COLEC10: variants seen among roughly 807,000 people sequenced by gnomAD.
COLEC10 encodes collectin-10.
COLEC10 carries 22 observed loss-of-function variants against 28.4 expected under a neutral mutation model. The observed-to-expected ratio is 0.78, with a 90% CI of 0.55 to 1.11. The LOEUF is 1.11. Among genes scored for constraint, COLEC10 ranks in the 50% least tolerant of loss-of-function variants. The probability of loss-of-function intolerance (pLI) is 0.00; values close to 1 mark genes in which losing one functional copy is unlikely to be tolerated. For synonymous variants in COLEC10, 125 were observed against 116.1 expected (o/e 1.08, Z -0.49); for missense variants, 361 against 344.1 (o/e 1.05, Z -0.39).
the COLEC10 span, among the ~76,000 whole-genome samples, chr8:118,973,387 G>A: frequency 1.3e-5 from 2 of 151,890 alleles, no homozygotes; most frequent in Non-Finnish European, 2.9e-5. Context: ...AGGCATGACT[G>A]GGGAAAGATT....
the COLEC10 span, among the ~76,000 whole-genome samples, chr8:118,986,593 T>C: frequency 1.3e-5 from 2 of 152,080 alleles, no homozygotes; most frequent in African/African-American, 2.4e-5. Flanking sequence ...AAAAGATGAA[T>C]GAAAAGAAGA....
At chr8:118,973,390 GAA>G in the COLEC10 span, among the ~76,000 whole-genome samples, 3 of 151,908 alleles carry the variant, frequency 2.0e-5, no homozygotes, top group Non-Finnish European at 4.4e-5. Context: ...CATGACTGGG[GAA>G]AGATTCACTT....
chr8:118,954,189 T>C, the COLEC10 span, among the ~76,000 whole-genome samples: 2 of 152,224 alleles, frequency 1.3e-5, no homozygotes, highest in African/African-American at 4.8e-5. Flanking sequence ...AGGGGATTGG[T>C]AATTAGCTGT....
intron 2 of COLEC10, among the ~76,000 whole-genome samples, chr8:119,032,035 A>G (rs1485161837): frequency 1.3e-5 from 2 of 152,238 alleles, no homozygotes; most frequent in East Asian, 3.8e-4. Context: ...CCCATTTTAC[A>G]GACGGGAAAA....
chr8:119,056,801 C>A (rs1269837994), intron 2 of COLEC10, among the ~76,000 whole-genome samples: 2 of 151,926 alleles, frequency 1.3e-5, no homozygotes, highest in African/African-American at 4.8e-5. Context: ...CCACGATTGC[C>A]CTTATGATAG....
intron 2 of COLEC10, among the ~76,000 whole-genome samples, chr8:119,021,425 T>G (rs1345499933): frequency 6.6e-6 from 1 of 152,130 alleles, no homozygotes; most frequent in Non-Finnish European, 1.5e-5. Flanking sequence ...ACAGGGACTG[T>G]CTCATGCAGT....
In COLEC10 at chr8:119,106,228, C is replaced by A. The variant is rs374880180; in HGVS notation, c.*37C>A. On this transcript the variant is annotated 3_prime_UTR_variant, in exon 6 of 6. Coordinates refer to ENST00000332843, the MANE Select transcript of COLEC10 (RefSeq NM_006438.5). ...CTACGTATTTGCTATTTTCCTGTGA[C>A]CGTCATTACAGTTATTGTTATCCAT... 1.9e-5 allele frequency: 30 copies of A among 1,560,028 alleles called. No homozygotes were observed. The highest frequency in any genetic ancestry group is 3.4e-4 in the Middle Eastern group (2 of 5,806).
At chr8:118,971,603 C>T in the COLEC10 span, among the ~76,000 whole-genome samples, 2 of 151,970 alleles carry the variant, frequency 1.3e-5, no homozygotes, top group African/African-American at 4.8e-5. Flanking sequence ...AATCAAATTG[C>T]ACAGTGTCCT....
chr8:119,049,401 C>CTATTTT (rs1814636664), intron 2 of COLEC10, among the ~76,000 whole-genome samples: 4 of 60,076 alleles, frequency 6.7e-5, no homozygotes, highest in Admixed American at 2.4e-4. Flanking sequence ...ATTTTCTTTT[C>CTATTTT]TTTTTTTTTT....
chr8:119,058,861 T>A (rs1308278406), intron 2 of COLEC10, among the ~76,000 whole-genome samples: 4 of 152,116 alleles, frequency 2.6e-5, no homozygotes, highest in African/African-American at 9.6e-5. Context: ...AAAGTGACTG[T>A]ACATTTTACA....
At chr8:119,022,563 C>A (rs1814118739) in intron 2 of COLEC10, among the ~76,000 whole-genome samples, 1 of 152,046 alleles carries the variant, frequency 6.6e-6, no homozygotes, top group Non-Finnish European at 1.5e-5. Flanking sequence ...TCCAATCTCC[C>A]AGGAAATTAT....
chr8:118,953,721 AC>A, the COLEC10 span, among the ~76,000 whole-genome samples: 1 of 152,246 alleles, frequency 6.6e-6, no homozygotes, highest in South Asian at 2.1e-4. Context: ...ATAACTCAGC[AC>A]AATGCCTGGC....
At chr8:119,062,218 G>A (rs1026264046) in intron 2 of COLEC10, among the ~76,000 whole-genome samples, 2 of 152,020 alleles carry the variant, frequency 1.3e-5, no homozygotes, top group South Asian at 2.1e-4. Context: ...CTAGGAATGA[G>A]AGAGACATCT....
chr8:119,075,225 T>C (rs895450271), intron 1 of COLEC10, among the ~76,000 whole-genome samples: 4 of 152,232 alleles, frequency 2.6e-5, no homozygotes, highest in Non-Finnish European at 4.4e-5. Flanking sequence ...TTTATAAAAT[T>C]CTACTTGTAG....
the COLEC10 span, among the ~76,000 whole-genome samples, chr8:118,954,796 G>A: frequency 6.6e-6 from 1 of 152,186 alleles, no homozygotes; most frequent in African/African-American, 2.4e-5. Flanking sequence ...GAGAAATGGT[G>A]CCTGAATATT....
the COLEC10 span, among the ~76,000 whole-genome samples, chr8:118,955,505 C>T: frequency 2.6e-5 from 4 of 152,186 alleles, no homozygotes; most frequent in Non-Finnish European, 5.9e-5. Flanking sequence ...TCTGGCATTG[C>T]TAGCCATTCA....
chr8:118,972,038 A>T, the COLEC10 span, among the ~76,000 whole-genome samples: 1 of 151,874 alleles, frequency 6.6e-6, no homozygotes, highest in Admixed American at 6.6e-5. Context: ...TTTGAGTCAA[A>T]CTGAATGAAT....
At chr8:119,074,879 C>G (rs1286872773) in intron 1 of COLEC10, among the ~76,000 whole-genome samples, 1 of 152,154 alleles carries the variant, frequency 6.6e-6, no homozygotes, top group Non-Finnish European at 1.5e-5. Context: ...ACACAGAAAA[C>G]TGAACCTCAG....
chr8:119,042,408 ATTTATTTATTT>A lies in COLEC10; in HGVS notation n.235+32856_235+32866del, dbSNP rs1563725691. ...TCTAAGCTTTTATTTAACTTAATTT[ATTTATTTATTT>A]ATTTATTTATTTGTAAATAGCCGTG... On this transcript the variant is annotated intron_variant and non_coding_transcript_variant, in intron 2 of 6. Transcript: ENST00000521788. Among the ~76,000 whole-genome samples, 6 of 20,894 alleles carry A rather than the reference ATTTATTTATTT, an allele frequency of 2.9e-4. No individual in the cohort carries two copies. The African/African-American group carries it at 4.8e-3, about 17-fold the overall frequency. The allele number at this position is 20,894 out of a possible 152,430, so 13.7% of individuals were successfully genotyped here.
Sources: allele counts gnomAD v4.1 joint callset (sites outside exome capture counted in the v4.1 genomes callset), GRCh38; gene constraint gnomAD v4.1.1; transcripts MANE v1.5; gene names NCBI Gene and HGNC (gene_info 2026-07-23, HGNC 2026-07-21).